C1orf87: variants seen among roughly 807,000 people sequenced by gnomAD.
The protein encoded by C1orf87 is chromosome 1 open reading frame 87.
Under a neutral mutation model 60.5 loss-of-function variants are expected in C1orf87, and 58 were observed. That is an observed-to-expected ratio of 0.96 (90% CI 0.78 to 1.19). The LOEUF is 1.19. C1orf87 is among the 50% of genes most tolerant of loss of function. The probability of loss-of-function intolerance (pLI) is 0.00; values close to 1 mark genes in which losing one functional copy is unlikely to be tolerated. For missense variants in C1orf87, 673 were observed against 638.6 expected, an observed-to-expected ratio of 1.05 and a Z score of -0.58; for synonymous variants, 236 against 227.4, an observed-to-expected ratio of 1.04 and a Z score of -0.34.
chr1:60,033,666 G>T (rs757381912), intron 6 of C1orf87, 25 bp from the exon 7 acceptor site: 6 of 1,603,458 alleles, frequency 3.7e-6, no homozygotes, highest in Admixed American at 3.4e-5. Context: ...AATGGGGAAG[G>T]CTATGAAAAG....
intron 11 of C1orf87, among the ~76,000 whole-genome samples, chr1:59,995,505 C>T (rs1402795087): frequency 6.6e-6 from 1 of 152,186 alleles, no homozygotes; most frequent in African/African-American, 2.4e-5. Flanking sequence ...TCCAGCAGTC[C>T]TGTCTTGGTA....
intron 8 of C1orf87, among the ~76,000 whole-genome samples, chr1:60,017,727 C>T (rs771874616): frequency 1.1e-4 from 16 of 152,162 alleles, no homozygotes; most frequent in Non-Finnish European, 2.2e-4. Context: ...AAAACCTGAA[C>T]TCATTTTACA....
intron 11 of C1orf87, among the ~76,000 whole-genome samples, chr1:59,993,588 G>A (rs12137632): frequency 0.06 from 9,130 of 152,040 alleles, 346 homozygotes; most frequent in Admixed American, 0.09. Context: ...GATAGAAGAT[G>A]CCTAGAGTCA....
chr1:60,029,995 A>G (rs1645226049), intron 7 of C1orf87, among the ~76,000 whole-genome samples: 1 of 152,086 alleles, frequency 6.6e-6, no homozygotes, highest in African/African-American at 2.4e-5. Flanking sequence ...CAGTGTTTAC[A>G]TCATCTCCTC....
intron 5 of C1orf87, 31 bp from the exon 6 acceptor site, chr1:60,038,138 C>A: frequency 1.5e-6 from 2 of 1,372,196 alleles, no homozygotes; most frequent in East Asian, 2.3e-5. Flanking sequence ...AGAACATCCT[C>A]ATTTAATTTA....
chr1:60,017,984 T>C (rs1645135616), intron 8 of C1orf87, among the ~76,000 whole-genome samples: 1 of 152,212 alleles, frequency 6.6e-6, no homozygotes, highest in South Asian at 2.1e-4. Context: ...ATGGGGCTAA[T>C]CCCACATCAC....
chr1:60,049,098 T>C (rs889847813), intron 3 of C1orf87, among the ~76,000 whole-genome samples: 2 of 152,192 alleles, frequency 1.3e-5, no homozygotes, highest in Non-Finnish European at 2.9e-5. Context: ...TTGGGATAGA[T>C]TTCTCAAAGT....
chr1:60,056,262 A>G (rs1466166673), intron 2 of C1orf87, among the ~76,000 whole-genome samples: 3 of 152,098 alleles, frequency 2.0e-5, no homozygotes, highest in Non-Finnish European at 4.4e-5. Flanking sequence ...AAAATAATGG[A>G]AAGTCTTACA....
chr1:60,038,630 G>A (rs569304443), intron 5 of C1orf87, among the ~76,000 whole-genome samples: 13 of 151,876 alleles, frequency 8.6e-5, no homozygotes, highest in East Asian at 3.9e-4. Context: ...TCTCCCCACC[G>A]CTGCCCCCAC....
At chr1:60,063,548 T>C (rs1457245198) in intron 2 of C1orf87, among the ~76,000 whole-genome samples, 1 of 152,166 alleles carries the variant, frequency 6.6e-6, no homozygotes, top group African/African-American at 2.4e-5. Context: ...CTGGCTTCTC[T>C]GACCTTATTT....
At chr1:59,994,771 C>T (rs10889167) in intron 11 of C1orf87, among the ~76,000 whole-genome samples, 42,904 of 152,056 alleles carry the variant, frequency 0.28, 6,228 homozygotes, top group Middle Eastern at 0.42. Flanking sequence ...ATGGCCTGTC[C>T]TCATCCTGGA....
intron 8 of C1orf87, among the ~76,000 whole-genome samples, chr1:60,013,962 A>G (rs1645107448): frequency 6.6e-6 from 1 of 152,106 alleles, no homozygotes; most frequent in Admixed American, 6.6e-5. Flanking sequence ...CTCATCATAT[A>G]CAACTGACAA....
intron 3 of C1orf87, 32 bp from the exon 4 acceptor site, chr1:60,041,163 A>G (rs750257840): frequency 1.3e-6 from 2 of 1,495,918 alleles, no homozygotes; most frequent in Admixed American, 3.9e-5. Flanking sequence ...GGAAGCAAGG[A>G]GCAGAAGAGG....
intron 2 of C1orf87, among the ~76,000 whole-genome samples, chr1:60,057,022 C>A (rs969789654): frequency 6.6e-6 from 1 of 151,834 alleles, no homozygotes; most frequent in African/African-American, 2.4e-5. Flanking sequence ...GTGGTGGTAG[C>A]ACAAGAAGAA....
At chr1:60,065,682 T>G (rs535670660) in intron 2 of C1orf87, among the ~76,000 whole-genome samples, 13 of 152,270 alleles carry the variant, frequency 8.5e-5, no homozygotes, top group African/African-American at 3.1e-4. Context: ...ATACATTAAT[T>G]TCTAAAACCA....
chr1:60,033,263 A>G (rs1645251968), intron 7 of C1orf87, among the ~76,000 whole-genome samples: 1 of 152,226 alleles, frequency 6.6e-6, no homozygotes, highest in South Asian at 2.1e-4. Flanking sequence ...AAAACAGCCC[A>G]ATATAAGTAA....
At chr1:60,058,613 G>A (rs952434025) in intron 2 of C1orf87, among the ~76,000 whole-genome samples, 4 of 152,176 alleles carry the variant, frequency 2.6e-5, no homozygotes, top group Admixed American at 6.5e-5. Flanking sequence ...TAAATCAACC[G>A]TATAGTCAGG....
At chr1:59,992,469 G>A (rs1557452157) in intron 11 of C1orf87, among the ~76,000 whole-genome samples, 1 of 151,856 alleles carries the variant, frequency 6.6e-6, no homozygotes, top group Non-Finnish European at 1.5e-5. Flanking sequence ...TGCCCAGACT[G>A]GTCTGGAACT....
intron 9 of C1orf87, among the ~76,000 whole-genome samples, chr1:60,001,421 A>G (rs1321958194): frequency 6.6e-6 from 1 of 152,106 alleles, no homozygotes; most frequent in African/African-American, 2.4e-5. Flanking sequence ...AAAACTAAAG[A>G]AAAATATGAG....
Sources: allele counts gnomAD v4.1 joint callset (sites outside exome capture counted in the v4.1 genomes callset), GRCh38; gene constraint gnomAD v4.1.1; transcripts MANE v1.5; gene names NCBI Gene and HGNC (gene_info 2026-07-23, HGNC 2026-07-21).